Variants in EDA observed in about 807,000 individuals in gnomAD.
EDA encodes the protein ectodysplasin-A.
In EDA, 2 loss-of-function variants were observed where a neutral mutation model predicts 23.6. That is an observed-to-expected ratio of 0.08 (90% CI 0.03 to 0.27). The LOEUF (loss-of-function observed/expected upper bound fraction) is 0.27, where lower values mean the gene tolerates loss of function less well. Among genes scored for constraint, EDA ranks in the 10% least tolerant of loss-of-function variants. The probability of loss-of-function intolerance (pLI) is 1.00; values close to 1 mark genes in which losing one functional copy is unlikely to be tolerated. For synonymous variants in EDA, 131 were observed against 132.0 expected (o/e 0.99, Z 0.05); for missense variants, 229 against 324.2 (o/e 0.71, Z 2.26).
chrX:69,983,796 C>T (rs777441410), intron 2 of EDA, among the ~76,000 whole-genome samples: 16 of 100,709 alleles, frequency 1.6e-4, no homozygotes, highest in South Asian at 1.5e-3. Context: ...TGAATCTGAA[C>T]GTTGGCCTGC....
At chrX:69,911,165 A>C (rs1311647412) in intron 1 of EDA, among the ~76,000 whole-genome samples, 1 of 111,942 alleles carries the variant, frequency 8.9e-6, no homozygotes, top group Non-Finnish European at 1.9e-5. Context: ...TGCAGTGGGA[A>C]GTAGCTCAAA....
intron 2 of EDA, among the ~76,000 whole-genome samples, chrX:69,968,145 A>G (rs2019200596): frequency 9.0e-6 from 1 of 111,708 alleles, no homozygotes; most frequent in Non-Finnish European, 1.9e-5. Flanking sequence ...AAAATCTTAT[A>G]AGTAATTCAC....
chrX:69,642,360 T>C (rs1932849564), intron 1 of EDA, among the ~76,000 whole-genome samples: 1 of 111,617 alleles, frequency 9.0e-6, no homozygotes, highest in South Asian at 3.8e-4. Context: ...AAGTCACATA[T>C]ATAAAAATAC....
chrX:69,753,142 T>G (rs1418856209), intron 1 of EDA, among the ~76,000 whole-genome samples: 3 of 111,751 alleles, frequency 2.7e-5, no homozygotes, highest in African/African-American at 9.8e-5. Context: ...TTGCTCTTGC[T>G]TCTCTAGTTC....
intron 1 of EDA, among the ~76,000 whole-genome samples, chrX:69,783,660 G>A (rs752053712): frequency 1.9e-3 from 213 of 111,385 alleles, no homozygotes; most frequent in Non-Finnish European, 3.7e-3. Flanking sequence ...GTGTATATGT[G>A]CCACATTTTC....
At chrX:69,759,894 A>AT (rs1489089869) in intron 1 of EDA, among the ~76,000 whole-genome samples, 1 of 110,198 alleles carries the variant, frequency 9.1e-6, no homozygotes, top group Admixed American at 9.8e-5. Context: ...TCAGACTGAC[A>AT]TTGGCATGGT....
intron 1 of EDA, among the ~76,000 whole-genome samples, chrX:69,911,848 C>T (rs1426939511): frequency 1.8e-5 from 2 of 112,383 alleles, no homozygotes; most frequent in African/African-American, 6.5e-5. Flanking sequence ...ATGTTGATGG[C>T]AGCTGACTGC....
chrX:69,992,806 A>G (rs1156968251), intron 2 of EDA, among the ~76,000 whole-genome samples: 3 of 112,315 alleles, frequency 2.7e-5, no homozygotes, highest in Non-Finnish European at 5.6e-5. Flanking sequence ...CAAAATTTGT[A>G]TTAATGTAGT....
intron 1 of EDA, among the ~76,000 whole-genome samples, chrX:69,947,677 A>G (rs1272805195): frequency 1.8e-5 from 2 of 112,259 alleles, no homozygotes; most frequent in Non-Finnish European, 3.8e-5. Context: ...TCTCAGTAGT[A>G]GTCATCCCCT....
In EDA at chrX:69,652,861, T is replaced by C. The variant is rs1004472707; in HGVS notation, c.396+36157T>C. Among the ~76,000 whole-genome samples, 6 of 112,251 alleles carry C rather than the reference T, an allele frequency of 5.3e-5. No homozygotes were observed. The Admixed American group carries it at 5.7e-4, about 11-fold the overall frequency. On this transcript the variant is annotated intron_variant, in intron 1 of 7. Transcript: ENST00000374552. ...TTATTAAGAACAAAGTCCAGTACCATGCTGTTTTGCTTACTGTAGCCTTGT... is the reference window on the plus strand; with the variant it reads ...TTATTAAGAACAAAGTCCAGTACCACGCTGTTTTGCTTACTGTAGCCTTGT...
Position 70,037,706 on chromosome X carries a change from A to C in EDA, c.*2097A>C, listed in dbSNP as rs376705117. The C allele has an allele frequency of 4.5e-5, 5 of 111,774 alleles. No individual in the cohort carries two copies. Among genetic ancestry groups the C allele is most frequent in the African/African-American group, 1.6e-4 (5 of 30,727 alleles). 9.2% of individuals were successfully genotyped at this position (111,774 alleles called of 1,213,427 possible). ...GTAATTGGGAACTGAAATCCTTGAG[A>C]GTTCCGGGGAGAAACCCAGAGATGC... On this transcript the variant is annotated 3_prime_UTR_variant, in exon 8 of 8. Coordinates refer to ENST00000374552, the MANE Select transcript of EDA (RefSeq NM_001399.5).
intron 1 of EDA, among the ~76,000 whole-genome samples, chrX:69,658,969 A>G (rs972536555): frequency 9.0e-6 from 1 of 111,553 alleles, no homozygotes; most frequent in Non-Finnish European, 1.9e-5. Flanking sequence ...CTGATTTTCC[A>G]TCCACACCCA....
At chrX:69,858,241 G>T (rs1602488531) in intron 1 of EDA, among the ~76,000 whole-genome samples, 1 of 111,370 alleles carries the variant, frequency 9.0e-6, no homozygotes, top group South Asian at 3.8e-4. Flanking sequence ...TTGCCTGATT[G>T]CTCTGGCCAG....
At chrX:69,722,160 T>C (rs1475324975) in intron 1 of EDA, among the ~76,000 whole-genome samples, 1 of 111,581 alleles carries the variant, frequency 9.0e-6, no homozygotes, top group African/African-American at 3.3e-5. Context: ...CTTCAACTCA[T>C]GTTTTCTGTA....
intron 7 of EDA, among the ~76,000 whole-genome samples, 191 bp downstream of exon 7, chrX:70,033,719 TG>T (rs2020230602): frequency 9.0e-6 from 1 of 110,774 alleles, no homozygotes; most frequent in Admixed American, 9.6e-5. Flanking sequence ...TCTTTTGTTT[TG>T]TTTTGTTTTG....
intron 1 of EDA, among the ~76,000 whole-genome samples, chrX:69,698,678 C>A (rs1442888605): frequency 9.0e-6 from 1 of 111,292 alleles, no homozygotes; most frequent in Admixed American, 9.5e-5. Context: ...TTGTCCACGA[C>A]TGCCGGGTTT....
chrX:69,867,687 CT>C (rs2147604732), intron 1 of EDA, among the ~76,000 whole-genome samples: 1 of 112,356 alleles, frequency 8.9e-6, no homozygotes, highest in African/African-American at 3.2e-5. Flanking sequence ...GCAGAACCAT[CT>C]GTGAACAGGC....
At chrX:69,975,021 G>A (rs1371138745) in intron 2 of EDA, among the ~76,000 whole-genome samples, 1 of 112,113 alleles carries the variant, frequency 8.9e-6, no homozygotes, top group Non-Finnish European at 1.9e-5. Flanking sequence ...TGGTGGGAAT[G>A]TAAACTAGTT....
intron 1 of EDA, among the ~76,000 whole-genome samples, chrX:69,819,968 G>A (rs1274781097): frequency 5.5e-5 from 6 of 109,162 alleles, no homozygotes; most frequent in Non-Finnish European, 1.1e-4. Context: ...AAAGATGGAG[G>A]CATCAGGCTA....
Sources: allele counts gnomAD v4.1 joint callset (sites outside exome capture counted in the v4.1 genomes callset), GRCh38; gene constraint gnomAD v4.1.1; transcripts MANE v1.5; gene names NCBI Gene and HGNC (gene_info 2026-07-23, HGNC 2026-07-21).